Variants in ACTMAP observed in about 807,000 individuals in gnomAD.
The protein encoded by ACTMAP is UPF0692 protein C19orf54.
At chr19:40,743,567 A>C in the ACTMAP span, among the ~76,000 whole-genome samples, 1 of 152,166 alleles carries the variant, frequency 6.6e-6, no homozygotes, top group Non-Finnish European at 1.5e-5. Context: ...TGCTCTGCCT[A>C]CAAGGCAGCC....
At chr19:40,744,487 C>T in the ACTMAP span, 2 of 1,581,672 alleles carry the variant, frequency 1.3e-6, no homozygotes, top group Non-Finnish European at 1.7e-6. Flanking sequence ...CACACGGCTG[C>T]CAGCATCCCA....
chr19:40,743,791 A>C, the ACTMAP span: 1 of 1,320,472 alleles, frequency 7.6e-7, no homozygotes, highest in Non-Finnish European at 1.1e-6. Flanking sequence ...TGCTAATGCT[A>C]AGTGCCCAGC....
At chr19:40,742,773 G>A in the ACTMAP span, 1 of 1,603,316 alleles carries the variant, frequency 6.2e-7, no homozygotes, top group Non-Finnish European at 8.5e-7. Flanking sequence ...CAGGACCCCT[G>A]GGGGAGAGGA....
At chr19:40,746,568 G>T in the ACTMAP span, among the ~76,000 whole-genome samples, 1 of 152,072 alleles carries the variant, frequency 6.6e-6, no homozygotes, top group African/African-American at 2.4e-5. Flanking sequence ...GTAGCAACAG[G>T]GTTTCACCCT....
the ACTMAP span, chr19:40,742,184 C>G: frequency 1.5e-6 from 1 of 666,744 alleles, no homozygotes; most frequent in Non-Finnish European, 2.8e-6. Flanking sequence ...ATGACAGAGG[C>G]GGCCCCTAGT....
At chr19:40,744,692 A>T in the ACTMAP span, 1 of 1,600,676 alleles carries the variant, frequency 6.2e-7, no homozygotes, top group Non-Finnish European at 8.5e-7. Flanking sequence ...ATCTGGGGAC[A>T]GAGAGGCCCA....
At chr19:40,744,845 G>A in the ACTMAP span, 2 of 1,189,438 alleles carry the variant, frequency 1.7e-6, no homozygotes, top group South Asian at 3.2e-5. Flanking sequence ...CAGGGCTGGA[G>A]GGCTGGGGGT....
the ACTMAP span, chr19:40,745,249 C>G: frequency 2.0e-6 from 3 of 1,537,426 alleles, no homozygotes; most frequent in Non-Finnish European, 2.6e-6. Flanking sequence ...GAAGCACCCC[C>G]TACCCTGAGG....
the ACTMAP span, chr19:40,741,988 G>A: frequency 2.2e-6 from 1 of 445,454 alleles, no homozygotes; most frequent in Admixed American, 2.4e-5. Context: ...GGCTGGGGGT[G>A]GGACTCAATG....
chr19:40,744,866 G>T, the ACTMAP span: 1 of 995,212 alleles, frequency 1.0e-6, no homozygotes, highest in Non-Finnish European at 1.4e-6. Flanking sequence ...GGAAGGCGGG[G>T]GAGAGGTCAC....
the ACTMAP span, chr19:40,743,767 C>T: frequency 1.9e-6 from 2 of 1,059,634 alleles, no homozygotes; most frequent in South Asian, 1.5e-5. Context: ...ACACCTGGGG[C>T]CCAGCCTGCC....
the ACTMAP span, chr19:40,750,240 T>G: frequency 6.5e-6 from 1 of 154,236 alleles, no homozygotes; most frequent in Non-Finnish European, 1.4e-5. Flanking sequence ...TTAGGTTCAG[T>G]ACCCCCTCAC....
chr19:40,745,022 C>G, the ACTMAP span: 2 of 1,340,356 alleles, frequency 1.5e-6, no homozygotes, highest in Non-Finnish European at 2.1e-6. Flanking sequence ...CCCTCCTCCT[C>G]CCAGCAGGGA....
the ACTMAP span, among the ~76,000 whole-genome samples, chr19:40,747,380 T>C: frequency 1.3e-5 from 2 of 151,432 alleles, no homozygotes; most frequent in South Asian, 2.1e-4. Context: ...CTACTAAAAA[T>C]ACAAAAAATT....
the ACTMAP span, chr19:40,744,702 A>G: frequency 6.3e-7 from 1 of 1,595,424 alleles, no homozygotes; most frequent in South Asian, 1.1e-5. Flanking sequence ...AGAGAGGCCC[A>G]GCCTGTCAAT....
At chr19:40,741,383 G>A in the ACTMAP span, 4 of 195,238 alleles carry the variant, frequency 2.0e-5, no homozygotes, top group African/African-American at 9.4e-5. Context: ...GTGGAGGCTG[G>A]AGTGAGCTGA....
At chr19:40,749,751 G>T in the ACTMAP span, 1 of 1,487,008 alleles carries the variant, frequency 6.7e-7, no homozygotes. Context: ...GGGTACAGGG[G>T]TTTTTGGAGG....
chr19:40,744,665 C>T, the ACTMAP span: 2 of 1,611,644 alleles, frequency 1.2e-6, no homozygotes, highest in Non-Finnish European at 8.5e-7. Flanking sequence ...CTGCCATCCA[C>T]AAGGCCACCA....
chr19:40,749,884 G>T, the ACTMAP span: 1 of 1,152,426 alleles, frequency 8.7e-7, no homozygotes, highest in Non-Finnish European at 1.2e-6. Flanking sequence ...CTCAGGGATG[G>T]AGATTTTAAA....
Sources: gnomAD v4.1 joint callset for allele counts (sites outside exome capture counted in the v4.1 genomes callset) on GRCh38, gnomAD v4.1.1 for gene constraint, MANE v1.5 for transcripts, NCBI Gene and HGNC (gene_info 2026-07-23, HGNC 2026-07-21) for gene names.